Variants in FMN1 observed in about 807,000 individuals in gnomAD.
FMN1 encodes formin-1.
FMN1 carries 110 observed loss-of-function variants against 132.4 expected under a neutral mutation model. That is an observed-to-expected ratio of 0.83 (90% CI 0.71 to 0.97). The LOEUF is 0.97. Among genes scored for constraint, FMN1 ranks in the 50% least tolerant of loss-of-function variants. FMN1 has a pLI of 0.00. For missense variants in FMN1, 1,792 were observed against 1,705.3 expected (o/e 1.05, Z -0.90); for synonymous variants, 722 against 651.7 (o/e 1.11, Z -1.64).
intron 9 of FMN1, among the ~76,000 whole-genome samples, chr15:32,947,168 CATT>C (rs938229013): frequency 3.3e-5 from 5 of 152,214 alleles, no homozygotes; most frequent in Admixed American, 2.6e-4. Flanking sequence ...TTTCCTTTCT[CATT>C]GTTACATCTG....
chr15:33,154,594 G>A lies in FMN1; in HGVS notation c.321C>T (p.Ile107=). 1 of 1,536,110 alleles carries A rather than the reference G, an allele frequency of 6.5e-7. No homozygotes were observed. Among genetic ancestry groups the A allele is most frequent in the South Asian group, 1.2e-5 (1 of 84,058 alleles). ...LLTNLLSSDH[I]LGITMGNQEG... ...CCTGGTTCCCCATCGTGATCCCCAG[G>A]ATGTGGTCTGAGCTCAGGAGATTGG... Residue 107 remains isoleucine, a synonymous_variant, in exon 4 of 21, where the codon ATC becomes ATT. Coordinates refer to ENST00000616417, the MANE Select transcript of FMN1 (RefSeq NM_001277313.2).
chr15:33,153,820 T>A lies in FMN1; in HGVS notation c.1095A>T (p.Val365=), dbSNP rs1039941943. The A allele has an allele frequency of 2.0e-6, 3 of 1,536,244 alleles. No individual in the cohort carries two copies. The highest frequency in any genetic ancestry group is 3.9e-5 in the Admixed American group (2 of 50,978). ...GGAGGGTGAGCAAGTCGGCTTTGGGTACAAACTCAGCGTGGGCTGCTGGGC... is the reference window on the plus strand; with the variant it reads ...GGAGGGTGAGCAAGTCGGCTTTGGGAACAAACTCAGCGTGGGCTGCTGGGC... ...AIRPAAHAEF[V]PKADLLTLPG... The change falls in exon 4 of 21, where the codon GTA becomes GTT. Residue 365 remains valine, a synonymous_variant. Transcript: ENST00000616417.
chr15:33,029,952 T>A (rs1469499532), intron 6 of FMN1, among the ~76,000 whole-genome samples: 1 of 152,076 alleles, frequency 6.6e-6, no homozygotes, highest in East Asian at 1.9e-4. Flanking sequence ...GGTCAAGAGA[T>A]CAAGACCATC....
At chr15:33,007,051 T>TC (rs2034457300) in intron 7 of FMN1, among the ~76,000 whole-genome samples, 1 of 151,546 alleles carries the variant, frequency 6.6e-6, no homozygotes, top group Admixed American at 6.6e-5. Context: ...GAGCAGAGTT[T>TC]TCGTGTTCTC....
intron 4 of FMN1, among the ~76,000 whole-genome samples, chr15:33,102,379 GT>G (rs1454864813): frequency 1.3e-5 from 2 of 152,090 alleles, no homozygotes; most frequent in Non-Finnish European, 2.9e-5. Flanking sequence ...AAAGATAAAA[GT>G]TTTCTTTCAA....
chr15:32,971,820 T>C (rs2031818457), intron 7 of FMN1, among the ~76,000 whole-genome samples: 1 of 152,140 alleles, frequency 6.6e-6, no homozygotes, highest in African/African-American at 2.4e-5. Flanking sequence ...CCCTATCAGA[T>C]TATAAACTCC....
chr15:33,015,764 AACTTAGCACACAC>A (rs1283314815), intron 6 of FMN1, among the ~76,000 whole-genome samples: 2 of 152,254 alleles, frequency 1.3e-5, no homozygotes, highest in African/African-American at 2.4e-5. Context: ...GTGCTTCCAA[AACTTAGCACACAC>A]ACCGGCAAGG....
intron 15 of FMN1, among the ~76,000 whole-genome samples, chr15:32,890,787 T>C (rs1184640516): frequency 6.6e-6 from 1 of 152,244 alleles, no homozygotes; most frequent in African/African-American, 2.4e-5. Flanking sequence ...CATTTGCTTG[T>C]GGGTTCTTGG....
intron 7 of FMN1, among the ~76,000 whole-genome samples, chr15:33,000,201 G>C (rs902386093): frequency 6.6e-6 from 1 of 152,304 alleles, no homozygotes; most frequent in South Asian, 2.1e-4. Context: ...TGTAATCCCA[G>C]CACTTTGGGA....
At chr15:33,012,149 C>T (rs1376407406) in intron 6 of FMN1, 2 of 507,954 alleles carry the variant, frequency 3.9e-6, no homozygotes, top group Non-Finnish European at 7.2e-6. Context: ...CTCAAAGGGC[C>T]TGAACAGCTG....
intron 6 of FMN1, among the ~76,000 whole-genome samples, chr15:33,033,785 T>C (rs1280867824): frequency 6.6e-6 from 1 of 152,072 alleles, no homozygotes; most frequent in Non-Finnish European, 1.5e-5. Flanking sequence ...ACACCTCCAA[T>C]ACTCTTTCAT....
chr15:33,017,138 TA>T lies in FMN1; in HGVS notation c.2162-9064del, dbSNP rs112219032. On this transcript the variant is annotated intron_variant, in intron 6 of 20. Transcript: ENST00000616417. ...GTACCCTAGAACTTAAAGCATAATT[TA>T]AAAAAAAAAAAGTGGTTGCCAAGGC... Among the ~76,000 whole-genome samples, 140 of 146,904 alleles carry T rather than the reference TA, an allele frequency of 9.5e-4. 2 individuals carry two copies. The highest frequency in any genetic ancestry group is 4.2e-3 in the East Asian group (21 of 5,012).
intron 4 of FMN1, among the ~76,000 whole-genome samples, chr15:33,140,707 T>C (rs188004782): frequency 6.6e-5 from 10 of 152,326 alleles, no homozygotes; most frequent in Admixed American, 5.9e-4. Flanking sequence ...TGGAGAGCTT[T>C]ATGGAAAAAA....
At chr15:32,816,992 C>A (rs959561394) in intron 17 of FMN1, among the ~76,000 whole-genome samples, 1 of 152,130 alleles carries the variant, frequency 6.6e-6, no homozygotes, top group African/African-American at 2.4e-5. Context: ...ATTTTAATGG[C>A]TTAAGACTGA....
intron 19 of FMN1, among the ~76,000 whole-genome samples, chr15:32,792,468 A>C (rs1000436765): frequency 1.9e-3 from 159 of 85,648 alleles, no homozygotes; most frequent in Non-Finnish European, 2.9e-3. Context: ...ACAAACAAAC[A>C]AAAAAAACCC....
At chr15:32,826,184 C>T (rs1373317844) in intron 17 of FMN1, among the ~76,000 whole-genome samples, 1 of 152,216 alleles carries the variant, frequency 6.6e-6, no homozygotes, top group Non-Finnish European at 1.5e-5. Flanking sequence ...CAGAATAGTG[C>T]TTCCCACACA....
At position 32,809,024 on chromosome 15, in the gene FMN1, ATTTTG is replaced by A. The variant is rs543755074; in HGVS notation, c.3929-4697_3929-4693del. 7.5e-4 allele frequency among the ~76,000 whole-genome samples: 113 copies of A among 151,142 alleles called. No individual in the cohort carries two copies. The South Asian group carries it at 0.02, about 27-fold the overall frequency. ...GTCATTTTATTTGCTGTTTCAGCTCATTTTGTTTTATTTCATCCTCAGGAGAAAGA... is the reference window on the plus strand; with the variant it reads ...GTCATTTTATTTGCTGTTTCAGCTCATTTTATTTCATCCTCAGGAGAAAGA... On this transcript the variant is annotated intron_variant, in intron 17 of 20. Transcript: ENST00000616417.
In FMN1 at chr15:33,153,477, G is replaced by A. The variant is rs1334342780; in HGVS notation, c.1438C>T (p.Pro480Ser). Residue 480 changes from proline (P) to serine (S), a missense_variant, in exon 4 of 21, where the codon CCT becomes TCT. Physicochemically the swap from Pro to Ser is moderately conservative, Grantham distance 74 (BLOSUM62 -1). This residue lies in a region of FMN1 where 638 missense variants were observed against 645.2 expected (regional missense o/e 0.99). Transcript: ENST00000616417. ...TCACCTCTGGGTTGTGAGGAGTCAG[G>A]ACCTACTTTGTGGGGCAGATCCAGA... is the stretch of plus-strand genomic sequence containing the variant. ...LFLDLPHKVG[P>S]DSSQPRGDKK... 3 of 1,536,662 alleles carry A rather than the reference G, an allele frequency of 2.0e-6. No homozygotes were observed. The highest frequency in any genetic ancestry group is 2.4e-5 in the South Asian group (2 of 84,064).
rs553637649 is a variant in FMN1, at chr15:33,153,926, A to T, written c.989T>A (p.Val330Glu). The T allele has an allele frequency of 5.5e-4, 852 of 1,536,776 alleles. 3 individuals are homozygous for T. The highest frequency in any genetic ancestry group is 3.6e-4 in the Non-Finnish European group (415 of 1,147,058). Residue 330 changes from valine (V) to glutamate (E), a missense_variant, in exon 4 of 21, where the codon GTG (valine) becomes GAG (glutamate). Val to Glu is a moderately radical substitution (Grantham distance 121, BLOSUM62 -2). This residue lies in a region of FMN1 where 638 missense variants were observed against 645.2 expected (regional missense o/e 0.99). Coordinates refer to ENST00000616417, the MANE Select transcript of FMN1 (RefSeq NM_001277313.2). ...TCKQKPVSKV[V>E]AKVQDLSSQV... ...GGAGGACAGGTCCTGAACTTTGGCCACCACTTTGGAGACAGGTTTCTGCTT... is the reference window on the plus strand; with the variant it reads ...GGAGGACAGGTCCTGAACTTTGGCCTCCACTTTGGAGACAGGTTTCTGCTT...
Sources: gnomAD v4.1 joint callset for allele counts (sites outside exome capture counted in the v4.1 genomes callset) on GRCh38, gnomAD v4.1.1 for gene constraint, gnomAD v4.1.1 regional missense constraint, MANE v1.5 for transcripts, NCBI Gene and HGNC (gene_info 2026-07-23, HGNC 2026-07-21) for gene names.